The following SLC24A2 variants were observed in gnomAD, a reference collection of about 807,000 sequenced individuals.
The protein encoded by SLC24A2 is sodium/potassium/calcium exchanger 2.
SLC24A2 carries 36 observed loss-of-function variants against 62.0 expected under a neutral mutation model. The ratio of observed to expected loss-of-function variants is 0.58; its 90% CI spans 0.44 to 0.77. SLC24A2 has a LOEUF of 0.77. Ranked by LOEUF, SLC24A2 falls within the 30% of genes least tolerant of loss-of-function variation. SLC24A2 has a pLI of 0.00. For missense variants in SLC24A2, 846 were observed against 817.9 expected, an observed-to-expected ratio of 1.03 and a Z score of -0.42; for synonymous variants, 358 against 294.0, an observed-to-expected ratio of 1.22 and a Z score of -2.23.
intron 2 of SLC24A2, among the ~76,000 whole-genome samples, chr9:19,706,655 G>A (rs2118565141): frequency 6.6e-6 from 1 of 152,262 alleles, no homozygotes; most frequent in East Asian, 1.9e-4. Flanking sequence ...TGGGATTACA[G>A]GCGTGAGCCA....
intron 7 of SLC24A2, among the ~76,000 whole-genome samples, chr9:19,550,706 C>CT (rs10630327): frequency 0.063 from 9,084 of 144,924 alleles, 893 homozygotes; most frequent in African/African-American, 0.21. Flanking sequence ...TTCTTTTTCT[C>CT]TTTTTTTTTT....
chr9:19,793,866 C>T (rs1404538324), upstream of SLC24A2, among the ~76,000 whole-genome samples: 1 of 152,206 alleles, frequency 6.6e-6, no homozygotes, highest in Admixed American at 6.5e-5. Flanking sequence ...TAGTTGTCTA[C>T]TTCCTAAGAG....
At chr9:19,573,629 T>C (rs141800358) in intron 6 of SLC24A2, among the ~76,000 whole-genome samples, 160 bp from the exon 7 acceptor site, 317 of 151,874 alleles carry the variant, frequency 2.1e-3, no homozygotes, top group Middle Eastern at 6.8e-3. Context: ...AAGCAGAGGA[T>C]AGTGGTGTCC....
At chr9:20,265,946 A>G in the SLC24A2 span, among the ~76,000 whole-genome samples, 2 of 152,286 alleles carry the variant, frequency 1.3e-5, no homozygotes, top group Non-Finnish European at 2.9e-5. Flanking sequence ...AGTCTCCCAT[A>G]GCACTCCCAG....
the SLC24A2 span, among the ~76,000 whole-genome samples, chr9:20,009,590 T>C: frequency 2.0e-5 from 3 of 152,208 alleles, no homozygotes; most frequent in Middle Eastern, 3.4e-3. Flanking sequence ...ACAGCCCAAG[T>C]GCTCTCCCTA....
At chr9:19,636,419 CCTCTT>C (rs72514902) in intron 2 of SLC24A2, among the ~76,000 whole-genome samples, 80,093 of 106,076 alleles carry the variant, frequency 0.76, 31,614 homozygotes, top group East Asian at 0.88. Flanking sequence ...TTCTTTCTTT[CCTCTT>C]CTCTTCTCTT....
At chr9:19,612,650 C>A (rs955446025) in intron 4 of SLC24A2, among the ~76,000 whole-genome samples, 5 of 152,128 alleles carry the variant, frequency 3.3e-5, no homozygotes, top group African/African-American at 1.2e-4. Context: ...TTCAGTCAAT[C>A]CTCACTCTTA....
chr9:20,166,635 T>A, the SLC24A2 span, among the ~76,000 whole-genome samples: 1 of 151,962 alleles, frequency 6.6e-6, no homozygotes, highest in East Asian at 1.9e-4. Flanking sequence ...ACAGTAAGTT[T>A]AAGCCAGAAA....
chr9:19,932,508 T>C, the SLC24A2 span, among the ~76,000 whole-genome samples: 11 of 152,220 alleles, frequency 7.2e-5, no homozygotes, highest in Non-Finnish European at 1.3e-4. Flanking sequence ...AATGACATCT[T>C]GCATTCCTTT....
At chr9:19,625,124 A>C (rs2117937229) in intron 2 of SLC24A2, among the ~76,000 whole-genome samples, 1 of 152,314 alleles carries the variant, frequency 6.6e-6, no homozygotes, top group East Asian at 1.9e-4. Context: ...CAACTTCTTC[A>C]AAAGAAGACT....
chr9:20,080,931 A>C, the SLC24A2 span, among the ~76,000 whole-genome samples: 12,485 of 151,064 alleles, frequency 0.083, 888 homozygotes, highest in African/African-American at 0.19. Context: ...CAATGAGATA[A>C]CATCTCACAC....
chr9:19,712,527 G>C (rs934254435), intron 2 of SLC24A2, among the ~76,000 whole-genome samples: 1 of 152,194 alleles, frequency 6.6e-6, no homozygotes, highest in African/African-American at 2.4e-5. Flanking sequence ...GCTTAGTAAA[G>C]AGGGAAGCAG....
At chr9:20,123,085 G>C in the SLC24A2 span, among the ~76,000 whole-genome samples, 1 of 152,140 alleles carries the variant, frequency 6.6e-6, no homozygotes, top group African/African-American at 2.4e-5. Flanking sequence ...ACAGGAATTT[G>C]TTTTTCACAG....
chr9:19,594,318 C>A (rs975059494), intron 5 of SLC24A2, among the ~76,000 whole-genome samples: 3 of 152,158 alleles, frequency 2.0e-5, no homozygotes, highest in African/African-American at 7.2e-5. Flanking sequence ...AAGCACCCAG[C>A]AGAATAATTT....
chr9:20,217,936 G>C, the SLC24A2 span, among the ~76,000 whole-genome samples: 3 of 152,236 alleles, frequency 2.0e-5, no homozygotes, highest in East Asian at 5.8e-4. Context: ...AGTTATATGC[G>C]TTTTCCAATG....
chr9:19,704,879 T>C (rs933127480), intron 2 of SLC24A2, among the ~76,000 whole-genome samples: 1 of 152,082 alleles, frequency 6.6e-6, no homozygotes, highest in Non-Finnish European at 1.5e-5. Flanking sequence ...GGGAAAGTAC[T>C]TTCAGGATGA....
At chr9:19,901,806 G>A in the SLC24A2 span, among the ~76,000 whole-genome samples, 2 of 152,086 alleles carry the variant, frequency 1.3e-5, no homozygotes, top group African/African-American at 4.8e-5. Context: ...ACTGAGATAA[G>A]TCTCTTATCT....
chr9:20,012,792 T>G, the SLC24A2 span, among the ~76,000 whole-genome samples: 4 of 152,154 alleles, frequency 2.6e-5, no homozygotes, highest in Non-Finnish European at 4.4e-5. Flanking sequence ...TATACTTTAT[T>G]TCCATTTACA....
chr9:19,533,183 C>T (rs1300332756), intron 8 of SLC24A2, among the ~76,000 whole-genome samples: 1 of 152,142 alleles, frequency 6.6e-6, no homozygotes, highest in Non-Finnish European at 1.5e-5. Flanking sequence ...ATCATGTTTT[C>T]CTTGTAATTA....
Sources: gnomAD v4.1 joint callset for allele counts (sites outside exome capture counted in the v4.1 genomes callset) on GRCh38, gnomAD v4.1.1 for gene constraint, MANE v1.5 for transcripts, NCBI Gene and HGNC (gene_info 2026-07-23, HGNC 2026-07-21) for gene names.